ZNF862: variants seen among roughly 807,000 people sequenced by gnomAD.
ZNF862 encodes zinc finger protein 862.
In ZNF862, 64 loss-of-function variants were observed where a neutral mutation model predicts 91.1. The ratio of observed to expected loss-of-function variants is 0.70; its 90% confidence interval spans 0.57 to 0.87. The LOEUF (loss-of-function observed/expected upper bound fraction) is 0.87, where lower values mean the gene tolerates loss of function less well. Among genes scored for constraint, ZNF862 ranks in the 40% least tolerant of loss-of-function variants. The pLI, the probability that ZNF862 is intolerant of heterozygous loss-of-function variation, is 0.00. For missense variants in ZNF862, 1,459 were observed against 1,528.0 expected (o/e 0.95, Z 0.75); for synonymous variants, 631 against 618.1 (o/e 1.02, Z -0.31).
chr7:149,838,673 C>G, intron 1 of ZNF862, 38 bp downstream of exon 1: 1 of 1,195,488 alleles, frequency 8.4e-7, no homozygotes, highest in Non-Finnish European at 1.1e-6. Flanking sequence ...CGCTCCCTCC[C>G]GAGGATCCCC....
At chr7:149,847,624 TGTGTGTGTGC>T (rs771764819) in intron 3 of ZNF862, 101 bp from the exon 4 acceptor site, 2 of 589,586 alleles carry the variant, frequency 3.4e-6, no homozygotes, top group Non-Finnish European at 2.9e-6. Context: ...TGTGTGTGTG[TGTGTGTGTGC>T]TTTCCGTCTT....
intron 1 of ZNF862, chr7:149,841,819 G>A (rs1801716313): frequency 1.1e-6 from 1 of 931,332 alleles, no homozygotes; most frequent in Non-Finnish European, 1.3e-6. Flanking sequence ...TTCTATTATT[G>A]CACTTATATC....
At position 149,848,234 on chromosome 7, in the gene ZNF862, T is replaced by G. The variant is rs1289784386; in HGVS notation, c.741T>G (p.Pro247=). 2 of 1,613,730 alleles carry G rather than the reference T, an allele frequency of 1.2e-6. No individual in the cohort carries two copies. The highest frequency in any genetic ancestry group is 2.2e-5 in the South Asian group (2 of 91,002). The stretch of plus-strand genomic sequence containing the variant: ...GCCCCATATTCTACCCCCCAGGGCC[T>G]CTGGGAGGATTTGATAGCATGGCTG... The part of the protein sequence containing the change: ...ADCPIFYPPG[P]LGGFDSMAEL... Residue 247 remains proline, a synonymous_variant, in exon 4 of 8, where the codon CCT becomes CCG. Coordinates refer to ENST00000223210, the MANE Select transcript of ZNF862 (RefSeq NM_001099220.3).
At chr7:149,847,632 T>A in intron 3 of ZNF862, 103 bp from the exon 4 acceptor site, 1 of 623,096 alleles carries the variant, frequency 1.6e-6, no homozygotes, top group Non-Finnish European at 2.8e-6. Flanking sequence ...TGTGTGTGTG[T>A]GCTTTCCGTC....
chr7:149,864,309 C>T lies in ZNF862; in HGVS notation c.*25C>T. 1 of 1,573,288 alleles carries T rather than the reference C, an allele frequency of 6.4e-7. No homozygotes were observed. The highest frequency in any genetic ancestry group is 8.6e-7 in the Non-Finnish European group (1 of 1,160,496). ...AGGGACAGGGAGTCCTTGGGACTGCCTTGGAGACGCCTCTGTGATCACTGG... is the reference window on the plus strand; with the variant it reads ...AGGGACAGGGAGTCCTTGGGACTGCTTTGGAGACGCCTCTGTGATCACTGG... On this transcript the variant is annotated 3_prime_UTR_variant, in exon 8 of 8. Transcript: ENST00000223210.
rs1802418013 is a variant in ZNF862 at position 149,860,346 on chromosome 7, G to A, written c.1223-37G>A. 2.6e-6 allele frequency: 4 copies of A among 1,566,134 alleles called. No homozygotes were observed. In the Admixed American group the frequency reaches 5.4e-5, roughly 21 times the overall value. On this transcript the variant is annotated intron_variant, in intron 6 of 7. Coordinates refer to ENST00000223210, the MANE Select transcript of ZNF862 (RefSeq NM_001099220.3). ...GCTGATAGAAGATGGCAGAGTTCTG[G>A]GTAGCAGAACCAAGCATGATTCAAT...
intron 5 of ZNF862, among the ~76,000 whole-genome samples, chr7:149,854,427 T>C (rs1802183468): frequency 1.3e-5 from 2 of 152,190 alleles, no homozygotes; most frequent in African/African-American, 4.8e-5. Context: ...AGTGAAGAAA[T>C]TTAGTATGAA....
Position 149,861,455 on chromosome 7 carries a change from C to G in ZNF862, c.2295C>G (p.Asn765Lys), listed in dbSNP as rs372795148. 4 of 1,613,486 alleles carry G rather than the reference C, an allele frequency of 2.5e-6. No individual in the cohort carries two copies. Among genetic ancestry groups the G allele is most frequent in the Admixed American group, 1.7e-5 (1 of 60,020 alleles). ...ATCAGTCCTCAAACAAGAGGCTGAA[C>G]GAGCTGCAGGAAGGTGCGGCGCCTC... ...KFYQSSNKRL[N>K]ELQEGAAPLE... is the part of the protein sequence containing the mutation. Residue 765 changes from asparagine (N) to lysine (K), a missense_variant, in exon 7 of 8, where the codon AAC becomes AAG. Asn to Lys is a moderately conservative substitution (Grantham distance 94, BLOSUM62 0). Coordinates refer to ENST00000223210, the MANE Select transcript of ZNF862 (RefSeq NM_001099220.3). This position sits in a 1 kb window ranked among gnomAD's most constrained non-coding sequence, Gnocchi z 6.7.
chr7:149,838,764 C>T (rs1464418436), intron 1 of ZNF862, 129 bp downstream of exon 1: 38 of 580,616 alleles, frequency 6.5e-5, no homozygotes, highest in Middle Eastern at 5.0e-4. Flanking sequence ...ACTCGCCGGC[C>T]CGCCCTCTCT....
In ZNF862 at chr7:149,847,882, A is replaced by G. The variant is rs768500745; in HGVS notation, c.389A>G (p.Asn130Ser). ...ATCGAGGGAGACTGGGCCGGAAGAA[A>G]CAGGAAACTTCTGAAGCCCCGGTCC... is the stretch of plus-strand genomic sequence containing the variant. Reference protein sequence around the residue: ...GHIEGDWAGRNRKLLKPRSIQ... With the variant: ...GHIEGDWAGRSRKLLKPRSIQ... The change falls in exon 4 of 8, where the codon AAC becomes AGC. Residue 130 changes from asparagine (N) to serine (S), a missense_variant. By Grantham distance (46) the Asn-to-Ser change is conservative. Coordinates refer to ENST00000223210, the MANE Select transcript of ZNF862 (RefSeq NM_001099220.3). 78 of 1,610,362 alleles carry G rather than the reference A, an allele frequency of 4.8e-5. No individual in the cohort carries two copies. The South Asian group carries it at 7.2e-4, about 15-fold the overall frequency.
At chr7:149,859,341 C>A in intron 5 of ZNF862, 81 bp from the exon 6 acceptor site, 1 of 1,247,488 alleles carries the variant, frequency 8.0e-7, no homozygotes, top group Non-Finnish European at 1.1e-6. Context: ...CTGTGTACTT[C>A]AGGGACTGGG....
chr7:149,862,325 C>G lies in ZNF862; in HGVS notation c.3165C>G (p.Thr1055=). ...ACCGAATCAGGACCGATGAGAGGACCAAGCTCTCCAACGAGGTGCTCAACA... is the reference window on the plus strand; with the variant it reads ...ACCGAATCAGGACCGATGAGAGGACGAAGCTCTCCAACGAGGTGCTCAACA... ...AMNRIRTDER[T]KLSNEVLNML... Residue 1055 remains threonine (T), a synonymous_variant, in exon 7 of 8, where the codon ACC becomes ACG. Coordinates refer to ENST00000223210, the MANE Select transcript of ZNF862 (RefSeq NM_001099220.3). 1 of 1,613,408 alleles carries G rather than the reference C, an allele frequency of 6.2e-7. No homozygotes were observed. Among genetic ancestry groups the G allele is most frequent in the Non-Finnish European group, 8.5e-7 (1 of 1,179,696 alleles).
rs1473075242 is a variant in ZNF862 at position 149,859,493 on chromosome 7, A to C, written c.1189A>C (p.Asn397His). ...RRAAPWIKDP[N>H]GPKWGKGRPP... ...GGCTGCACCCTGGATCAAGGACCCA[A>C]ATGGGCCAAAGTGGGGGAAAGGTCG... Residue 397 changes from asparagine to histidine, a missense_variant, in exon 6 of 8, where the codon AAT becomes CAT. Physicochemically the swap from Asn to His is moderately conservative, Grantham distance 68 (BLOSUM62 1). Transcript: ENST00000223210. 2.5e-6 allele frequency: 4 copies of C among 1,585,068 alleles called. No individual in the cohort carries two copies. Among genetic ancestry groups the C allele is most frequent in the Non-Finnish European group, 3.4e-6 (4 of 1,164,998 alleles).
At position 149,847,740 on chromosome 7, in the gene ZNF862, A is replaced by G. The variant is rs566344403; in HGVS notation, c.247A>G (p.Lys83Glu). The G allele has an allele frequency of 7.5e-5, 120 of 1,605,538 alleles. No homozygotes were observed. In the South Asian group the frequency reaches 1.2e-3, roughly 16 times the overall value. ...CTTCTGTCTCTTCTCTAAAGGAAAA[A>G]AACAGATGGGCTACATGGGAGAAAT... Reference protein sequence around the residue: ...RSLLEHHPGKKQMGYMGEMEV... With the variant: ...RSLLEHHPGKEQMGYMGEMEV... The change falls in exon 4 of 8, where the codon AAA becomes GAA. Residue 83 changes from lysine (K) to glutamate (E), a missense_variant. Transcript: ENST00000223210.
At chr7:149,857,816 T>A (rs1317953197) in intron 5 of ZNF862, among the ~76,000 whole-genome samples, 1 of 152,172 alleles carries the variant, frequency 6.6e-6, no homozygotes, top group Non-Finnish European at 1.5e-5. Flanking sequence ...ACGCTTCCCG[T>A]CTCCTGTTTG....
chr7:149,863,845 A>G (rs1328152080), intron 7 of ZNF862, among the ~76,000 whole-genome samples: 1 of 152,236 alleles, frequency 6.6e-6, no homozygotes, highest in African/African-American at 2.4e-5. Context: ...CCAGTAGCAC[A>G]CACCCCATTT....
In ZNF862 at chr7:149,860,915, G is replaced by T. The variant is rs1243825288; in HGVS notation, c.1755G>T (p.Thr585=). The change falls in exon 7 of 8, where the codon ACG becomes ACT. Residue 585 remains threonine, a synonymous_variant. Coordinates refer to ENST00000223210, the MANE Select transcript of ZNF862 (RefSeq NM_001099220.3). Reference sequence around the variant, plus strand: ...AGATCCTGCAGCTCCTCCAAAGCACGGGGACCGTGATATTAGGCAAGTACC... The same window carrying T: ...AGATCCTGCAGCTCCTCCAAAGCACTGGGACCGTGATATTAGGCAAGTACC... ...FEKILQLLQS[T]GTVILGKYRN... is the part of the protein sequence containing the mutation. 2 of 1,613,770 alleles carry T rather than the reference G, an allele frequency of 1.2e-6. No homozygotes were observed. Among genetic ancestry groups the T allele is most frequent in the Non-Finnish European group, 1.7e-6 (2 of 1,179,870 alleles).
chr7:149,841,541 A>G, intron 1 of ZNF862: 1 of 985,424 alleles, frequency 1.0e-6, no homozygotes. Context: ...AGTTCCTGGC[A>G]TTTAATAGGG....
Position 149,855,877 on chromosome 7 carries a change from A to AT in ZNF862, c.1118-3544dup, listed in dbSNP as rs1802244112. ...GACATGGCCACCTCCAAGGCACCCC[A>AT]TGGCTACCTTAGTCTTATCCAAGGC... On this transcript the variant is annotated intron_variant, in intron 5 of 7. Transcript: ENST00000223210. The surrounding 1 kb of genome is among the most constrained non-coding windows in gnomAD (Gnocchi z 4.1). 3 of 152,244 alleles carry AT rather than the reference A, an allele frequency of 2.0e-5. No individual in the cohort carries two copies. Among genetic ancestry groups the AT allele is most frequent in the Admixed American group, 1.3e-4 (2 of 15,276 alleles). 9.4% of individuals were successfully genotyped at this position (152,244 alleles called of 1,614,324 possible). A position where few individuals can be genotyped will look rare whatever the true frequency, so the allele number is the denominator to read the frequency against.
Sources: gnomAD v4.1 joint callset for allele counts (sites outside exome capture counted in the v4.1 genomes callset) on GRCh38, gnomAD v4.1.1 for gene constraint, Gnocchi (gnomAD v3.1) non-coding constraint, MANE v1.5 for transcripts, NCBI Gene and HGNC (gene_info 2026-07-23, HGNC 2026-07-21) for gene names.